LINC00305: variants seen among roughly 807,000 people sequenced by gnomAD.
LINC00305 encodes long intergenic non-protein coding RNA 305.
At chr18:64,115,831 C>G (rs573785570) in intron 1 of LINC00305, among the ~76,000 whole-genome samples, 4 of 152,126 alleles carry the variant, frequency 2.6e-5, no homozygotes, top group Non-Finnish European at 5.9e-5. Context: ...TCAGAACTGT[C>G]TTTCTCAAGG....
intron 3 of LINC00305, among the ~76,000 whole-genome samples, chr18:64,095,903 T>A (rs549484368): frequency 1.6e-3 from 237 of 152,142 alleles, no homozygotes; most frequent in African/African-American, 5.5e-3. Flanking sequence ...TCTGGAAAAA[T>A]TTATGAAACA....
intron 1 of LINC00305, chr18:64,098,753 G>A: frequency 6.1e-6 from 2 of 326,342 alleles, no homozygotes; most frequent in Non-Finnish European, 1.2e-5. Flanking sequence ...GTGAATCAGT[G>A]CTCATCTAAA....
chr18:64,105,647 G>A (rs974478929), intron 1 of LINC00305, among the ~76,000 whole-genome samples: 2 of 152,096 alleles, frequency 1.3e-5, no homozygotes, highest in Admixed American at 6.5e-5. Context: ...TTACACTATG[G>A]TAATGGTATG....
chr18:64,104,795 G>A (rs980078882), intron 1 of LINC00305, among the ~76,000 whole-genome samples: 3 of 152,056 alleles, frequency 2.0e-5, no homozygotes, highest in East Asian at 1.9e-4. Context: ...CCCAGGGACC[G>A]GTCTGGACAC....
rs547233185 is a variant in LINC00305 at position 64,141,403 on chromosome 18, G to C, written n.314+7372C>G. Among the ~76,000 whole-genome samples the C allele has an allele frequency of 2.6e-4, 40 of 152,266 alleles. No individual in the cohort carries two copies. The South Asian group carries it at 3.9e-3, about 15-fold the overall frequency. Reference sequence around the variant, plus strand: ...ACATACACTCAAAAGCTGTGAAACTGAATAGGTTTTTAAAAAAGGTTACTG... The same window carrying C: ...ACATACACTCAAAAGCTGTGAAACTCAATAGGTTTTTAAAAAAGGTTACTG... On this transcript the variant is annotated intron_variant and non_coding_transcript_variant, in intron 1 of 3. Transcript: ENST00000666468.
chr18:64,124,416 T>C (rs2144262047), intron 1 of LINC00305, among the ~76,000 whole-genome samples: 1 of 152,260 alleles, frequency 6.6e-6, no homozygotes, highest in Non-Finnish European at 1.5e-5. Flanking sequence ...GTCATGGCAC[T>C]AATCACCCTG....
At chr18:64,117,731 T>C (rs1404304616) in intron 1 of LINC00305, among the ~76,000 whole-genome samples, 1 of 152,212 alleles carries the variant, frequency 6.6e-6, no homozygotes, top group Non-Finnish European at 1.5e-5. Context: ...TTGGTCCAAC[T>C]AGAGAACAAC....
At chr18:64,140,383 G>GT (rs1208915490) in intron 1 of LINC00305, among the ~76,000 whole-genome samples, 1 of 151,848 alleles carries the variant, frequency 6.6e-6, no homozygotes, top group African/African-American at 2.4e-5. Flanking sequence ...TAATTTTTGT[G>GT]TTTTTAGTTG....
rs536414990 is a variant in LINC00305 at position 64,143,885 on chromosome 18, TATA to T, written n.314+4887_314+4889del. Among the ~76,000 whole-genome samples, 19 of 152,200 alleles carry T rather than the reference TATA, an allele frequency of 1.2e-4. No individual in the cohort carries two copies. In the South Asian group the frequency reaches 3.5e-3, roughly 28 times the overall value. ...ATACATACATATATGTATACATGTA[TATA>T]TACACACACACAGATAATTCTTAAT... On this transcript the variant is annotated intron_variant and non_coding_transcript_variant, in intron 1 of 3. Coordinates refer to ENST00000666468, the Ensembl canonical transcript of LINC00305.
At chr18:64,096,511 G>C (rs956829028) in intron 3 of LINC00305, among the ~76,000 whole-genome samples, 2 of 151,726 alleles carry the variant, frequency 1.3e-5, no homozygotes, top group African/African-American at 4.8e-5. Context: ...GAAGTTTATA[G>C]TGTATAATCC....
intron 1 of LINC00305, among the ~76,000 whole-genome samples, chr18:64,105,020 C>T (rs1021022846): frequency 1.3e-5 from 2 of 151,998 alleles, no homozygotes; most frequent in Non-Finnish European, 2.9e-5. Flanking sequence ...GCACCCACCC[C>T]CCAGCTCCCC....
intron 1 of LINC00305, among the ~76,000 whole-genome samples, chr18:64,111,724 T>C (rs966573902): frequency 6.6e-6 from 1 of 152,130 alleles, no homozygotes; most frequent in Non-Finnish European, 1.5e-5. Context: ...CTGGATGGCT[T>C]TCTGGTCTCT....
At chr18:64,080,583 C>A (rs2051180865) in intron 3 of LINC00305, among the ~76,000 whole-genome samples, 1 of 151,880 alleles carries the variant, frequency 6.6e-6, no homozygotes, top group Non-Finnish European at 1.5e-5. Flanking sequence ...TTATCTATAC[C>A]AGGATTTTAT....
chr18:64,135,688 T>C (rs907769781), intron 1 of LINC00305, among the ~76,000 whole-genome samples: 1 of 152,056 alleles, frequency 6.6e-6, no homozygotes, highest in African/African-American at 2.4e-5. Context: ...CGGGTTCTAG[T>C]GATTCTCCTG....
intron 3 of LINC00305, among the ~76,000 whole-genome samples, chr18:64,097,090 GA>G (rs1484402796): frequency 6.6e-6 from 1 of 151,932 alleles, no homozygotes; most frequent in Non-Finnish European, 1.5e-5. Context: ...AATGCTTCTG[GA>G]AGGGACTTTA....
At chr18:64,095,285 G>A (rs916369845) in intron 3 of LINC00305, among the ~76,000 whole-genome samples, 1 of 152,134 alleles carries the variant, frequency 6.6e-6, no homozygotes, top group Admixed American at 6.5e-5. Context: ...TGTGTAAATA[G>A]AAAACAGCCA....
At chr18:64,103,700 C>A (rs2051277275) in intron 1 of LINC00305, among the ~76,000 whole-genome samples, 1 of 152,156 alleles carries the variant, frequency 6.6e-6, no homozygotes, top group Non-Finnish European at 1.5e-5. Flanking sequence ...TGGCTGATAA[C>A]CAGCATTGTA....
intron 1 of LINC00305, among the ~76,000 whole-genome samples, chr18:64,120,558 T>C (rs1031386821): frequency 6.6e-6 from 1 of 152,050 alleles, no homozygotes; most frequent in Non-Finnish European, 1.5e-5. Flanking sequence ...TAACTTTCTC[T>C]TTGCATTTGT....
intron 1 of LINC00305, among the ~76,000 whole-genome samples, chr18:64,148,185 C>A (rs2051507259): frequency 6.6e-6 from 1 of 152,076 alleles, no homozygotes; most frequent in African/African-American, 2.4e-5. Flanking sequence ...AGTCTCTCTT[C>A]TGAGATTCAG....
Sources: gnomAD v4.1 joint callset for allele counts (sites outside exome capture counted in the v4.1 genomes callset) on GRCh38, gnomAD v4.1.1 for gene constraint, MANE v1.5 for transcripts, NCBI Gene and HGNC (gene_info 2026-07-23, HGNC 2026-07-21) for gene names.